The following SLC4A10 variants were observed in gnomAD, a reference collection of about 807,000 sequenced individuals.
The protein encoded by SLC4A10 is sodium-driven chloride bicarbonate exchanger.
A neutral mutation model predicts 137.7 loss-of-function variants in SLC4A10; 42 were observed. The observed-to-expected ratio is 0.30, with a 90% confidence interval of 0.24 to 0.39. The LOEUF (loss-of-function observed/expected upper bound fraction) is 0.39, where lower values mean the gene tolerates loss of function less well. Among genes scored for constraint, SLC4A10 ranks in the 10% least tolerant of loss-of-function variants. The pLI is 1.00. For synonymous variants in SLC4A10, 474 were observed against 464.1 expected (o/e 1.02, Z -0.27); for missense variants, 925 against 1,355.0 (o/e 0.68, Z 4.98).
chr2:161,887,591 C>A (rs374285945), intron 10 of SLC4A10, among the ~76,000 whole-genome samples: 19 of 152,202 alleles, frequency 1.2e-4, no homozygotes, highest in African/African-American at 4.3e-4. Flanking sequence ...TGTTTCTTGG[C>A]CACATAAATG....
chr2:161,908,917 T>C (rs935513632), intron 15 of SLC4A10, among the ~76,000 whole-genome samples: 1 of 151,422 alleles, frequency 6.6e-6, no homozygotes, highest in Non-Finnish European at 1.5e-5. Context: ...GATCAAGGGA[T>C]TAAGTAAGAC....
At chr2:161,723,188 A>G (rs185786181) in intron 1 of SLC4A10, among the ~76,000 whole-genome samples, 40 of 152,232 alleles carry the variant, frequency 2.6e-4, no homozygotes, top group Admixed American at 1.7e-3. Flanking sequence ...GCATGGGTTC[A>G]TGAGGGGATC....
chr2:161,938,518 C>T (rs1417373810), intron 15 of SLC4A10, among the ~76,000 whole-genome samples: 48 of 150,922 alleles, frequency 3.2e-4, no homozygotes, highest in Admixed American at 3.0e-3. Flanking sequence ...ATAGATTATA[C>T]ATTATTATCG....
intron 2 of SLC4A10, among the ~76,000 whole-genome samples, chr2:161,787,881 C>T (rs1016579878): frequency 1.3e-5 from 2 of 151,920 alleles, no homozygotes; most frequent in East Asian, 1.9e-4. Flanking sequence ...CTTTAGAATC[C>T]GTATCTTGAA....
intron 3 of SLC4A10, among the ~76,000 whole-genome samples, chr2:161,816,340 G>T (rs932351219): frequency 4.6e-5 from 7 of 152,080 alleles, no homozygotes; most frequent in Non-Finnish European, 1.0e-4. Context: ...AGAGTATCAG[G>T]TCTCTCTGCT....
intron 8 of SLC4A10, among the ~76,000 whole-genome samples, chr2:161,875,462 A>T (rs569492533): frequency 6.6e-6 from 1 of 152,262 alleles, no homozygotes; most frequent in South Asian, 2.1e-4. Flanking sequence ...TCTACATTCA[A>T]CCTACATATT....
At chr2:161,652,246 C>T (rs554439036) in intron 1 of SLC4A10, among the ~76,000 whole-genome samples, 1 of 152,226 alleles carries the variant, frequency 6.6e-6, no homozygotes, top group Non-Finnish European at 1.5e-5. Flanking sequence ...CCTTATCTTC[C>T]ATTTATCTAT....
At position 161,983,173 on chromosome 2, in the gene SLC4A10, C is replaced by A. The variant is rs769888249; in HGVS notation, c.*27-6C>A. On this transcript the variant is annotated splice_polypyrimidine_tract_variant and splice_region_variant and intron_variant, in intron 26 of 26. Transcript: ENST00000446997. ...TAATAAATGTGTCCTTTTTTTCCTT[C>A]TGTAGCATTGAAAGCCGAAAAGAGA... is the stretch of plus-strand genomic sequence containing the variant. 1 of 1,535,240 alleles carries A rather than the reference C, an allele frequency of 6.5e-7. No individual in the cohort carries two copies. The highest frequency in any genetic ancestry group is 8.7e-7 in the Non-Finnish European group (1 of 1,146,634).
At chr2:161,815,570 AT>A (rs2056978698) in intron 3 of SLC4A10, among the ~76,000 whole-genome samples, 1 of 152,144 alleles carries the variant, frequency 6.6e-6, no homozygotes, top group African/African-American at 2.4e-5. Flanking sequence ...GAATCTTAAA[AT>A]TTGACGACAA....
At chr2:161,880,235 G>T (rs574903561) in intron 9 of SLC4A10, among the ~76,000 whole-genome samples, 2 of 152,088 alleles carry the variant, frequency 1.3e-5, no homozygotes, top group East Asian at 3.9e-4. Context: ...CTGTTAGTGC[G>T]CCTCCTCTTC....
intron 10 of SLC4A10, among the ~76,000 whole-genome samples, chr2:161,883,595 T>A (rs2061984653): frequency 6.6e-6 from 1 of 152,184 alleles, no homozygotes; most frequent in African/African-American, 2.4e-5. Flanking sequence ...GACAGTAGTT[T>A]GTTTTCTAAC....
intron 2 of SLC4A10, among the ~76,000 whole-genome samples, chr2:161,798,588 C>G (rs2055034091): frequency 6.6e-6 from 1 of 151,568 alleles, no homozygotes; most frequent in Admixed American, 6.6e-5. Context: ...AGCCACACAA[C>G]TTAAGTGTCA....
chr2:161,966,256 T>C (rs1373547704), intron 23 of SLC4A10, among the ~76,000 whole-genome samples: 1 of 152,156 alleles, frequency 6.6e-6, no homozygotes, highest in Non-Finnish European at 1.5e-5. Flanking sequence ...TAACAATGGA[T>C]TCCCACAGAT....
At chr2:161,923,709 G>A (rs1350812464) in intron 15 of SLC4A10, among the ~76,000 whole-genome samples, 1 of 151,838 alleles carries the variant, frequency 6.6e-6, no homozygotes, top group Non-Finnish European at 1.5e-5. Context: ...AGCATTAGGA[G>A]ATATACCTAA....
chr2:161,793,278 A>G (rs2054404157), intron 2 of SLC4A10, among the ~76,000 whole-genome samples: 2 of 152,130 alleles, frequency 1.3e-5, no homozygotes, highest in East Asian at 1.9e-4. Flanking sequence ...CTTACCTCAC[A>G]TAGTTATTAT....
intron 1 of SLC4A10, chr2:161,651,045 G>A (rs1018629831): frequency 3.3e-5 from 5 of 152,446 alleles, no homozygotes; most frequent in African/African-American, 1.2e-4. Context: ...CTTTTTCCAG[G>A]CTTTTCCATG....
intron 23 of SLC4A10, among the ~76,000 whole-genome samples, chr2:161,973,281 A>C (rs1698860962): frequency 6.6e-6 from 1 of 152,194 alleles, no homozygotes; most frequent in Non-Finnish European, 1.5e-5. Context: ...GAACTGACCC[A>C]TTTTTAAATA....
intron 1 of SLC4A10, among the ~76,000 whole-genome samples, chr2:161,720,375 T>A (rs1435214098): frequency 6.6e-6 from 1 of 152,172 alleles, no homozygotes; most frequent in Non-Finnish European, 1.5e-5. Context: ...CTTGGTGATG[T>A]GGGTTCTTTT....
intron 1 of SLC4A10, among the ~76,000 whole-genome samples, chr2:161,687,947 G>A (rs932607506): frequency 2.0e-5 from 3 of 152,102 alleles, no homozygotes; most frequent in African/African-American, 7.2e-5. Flanking sequence ...CCAGTCTTGG[G>A]TATATCTTCA....
Sources: gnomAD v4.1 joint callset for allele counts (sites outside exome capture counted in the v4.1 genomes callset) on GRCh38, gnomAD v4.1.1 for gene constraint, MANE v1.5 for transcripts, NCBI Gene and HGNC (gene_info 2026-07-23, HGNC 2026-07-21) for gene names.